Variants in ASPM observed in about 807,000 individuals in gnomAD.
ASPM encodes assembly factor for spindle microtubules, also known as abnormal spindle-like microcephaly-associated protein.
Under a neutral mutation model 366.4 loss-of-function variants are expected in ASPM, and 256 were observed. That is an observed-to-expected ratio of 0.70 (90% CI 0.63 to 0.77). ASPM has a LOEUF of 0.77. Ranked by LOEUF, ASPM falls within the 30% of genes least tolerant of loss-of-function variation. ASPM has a pLI of 0.00. For synonymous variants in ASPM, 1,414 were observed against 1,342.9 expected, an observed-to-expected ratio of 1.05 and a Z score of -1.16; for missense variants, 4,146 against 4,090.4, an observed-to-expected ratio of 1.01 and a Z score of -0.37.
In ASPM at chr1:197,124,338, C is replaced by T. The variant is rs1336814605; in HGVS notation, c.3169-7G>A. On this transcript the variant is annotated splice_polypyrimidine_tract_variant and splice_region_variant and intron_variant, in intron 12 of 27. Coordinates refer to ENST00000367409, the MANE Select transcript of ASPM (RefSeq NM_018136.5). ...AGTTAAGGGAAATATCCACCTAAAA[C>T]AAACACAAAAAAAGATAAATACCTT... 6.5e-7 allele frequency: 1 copy of T among 1,529,908 alleles called. No homozygotes were observed. Among genetic ancestry groups the T allele is most frequent in the Non-Finnish European group, 9.0e-7 (1 of 1,109,570 alleles). 94.8% of individuals were successfully genotyped at this position (1,529,908 alleles called of 1,614,324 possible).
At chr1:197,094,226 T>C (rs1019053004) in intron 19 of ASPM, 46 bp from the exon 20 acceptor site, 9 of 1,144,994 alleles carry the variant, frequency 7.9e-6, no homozygotes, top group Admixed American at 3.7e-5. Flanking sequence ...CTTTAACTTA[T>C]TCAATGAGTA....
Position 197,084,446 on chromosome 1 carries a change from A to G in ASPM, c.10332-20T>C. ...TTAAGTCTGTTAAAAAAAAAAAAAA[A>G]GTCTGGCATTAATAAAGTTCTTCTC... On this transcript the variant is annotated intron_variant, in intron 27 of 27. Transcript: ENST00000367409. 1 of 1,486,270 alleles carries G rather than the reference A, an allele frequency of 6.7e-7. No homozygotes were observed. The highest frequency in any genetic ancestry group is 9.3e-7 in the Non-Finnish European group (1 of 1,071,184). The allele number at this position is 1,486,270 out of a possible 1,614,324, so 92.1% of individuals were successfully genotyped here.
In ASPM at chr1:197,090,323, T is replaced by C. The variant is rs756409096; in HGVS notation, c.9702A>G (p.Leu3234=). 4 of 1,612,782 alleles carry C rather than the reference T, an allele frequency of 2.5e-6. No individual in the cohort carries two copies. The Admixed American group carries it at 5.0e-5, about 20-fold the overall frequency. ...TCTCCCTATTAACAACTTGAAGACT[T>C]AGTCGTATAGCTTTAATTTTTGTAC... ...NDCTKIKAIR[L]SLQVVNREIR... is the part of the protein sequence containing the mutation. The change falls in exon 24 of 28, where the codon CTA becomes CTG. Residue 3234 remains leucine (L), a synonymous_variant. Transcript: ENST00000367409.
rs199422135 is a variant in ASPM, at chr1:197,143,531, CAG to C, written c.719_720del (p.Ser240CysfsTer16). On this transcript the variant is annotated frameshift_variant, in exon 3 of 28. Coordinates refer to ENST00000367409, the MANE Select transcript of ASPM (RefSeq NM_018136.5). LOFTEE classifies it high-confidence loss of function. ...ECHGATCLPL[S>X]VRRSTTYSSL... Reference sequence around the variant, plus strand: ...GATGAGTAGGTAGTAGATCGACGTACAGAGAGTGGCAAGCAAGTTGCACCATG... The same window carrying C: ...GATGAGTAGGTAGTAGATCGACGTACAGAGTGGCAAGCAAGTTGCACCATG... 6 of 1,613,872 alleles carry C rather than the reference CAG, an allele frequency of 3.7e-6. No individual in the cohort carries two copies. The South Asian group carries it at 4.4e-5, about 12-fold the overall frequency.
Position 197,104,774 on chromosome 1 carries a change from T to C in ASPM, c.4477A>G (p.Ile1493Val). The C allele has an allele frequency of 6.3e-7, 1 of 1,597,184 alleles. No individual in the cohort carries two copies. The highest frequency in any genetic ancestry group is 1.1e-5 in the South Asian group (1 of 87,336). The part of the protein sequence containing the change: ...KYIYIRSCVV[I>V]IQKRFRCFQA... ...AAGCACCGAAATCTTTTCTGAATGATAACAACACAAGATCTAATATAAATA... is the reference window on the plus strand; with the variant it reads ...AAGCACCGAAATCTTTTCTGAATGACAACAACACAAGATCTAATATAAATA... Residue 1493 changes from isoleucine to valine, a missense_variant, in exon 18 of 28, where the codon ATC (isoleucine) becomes GTC (valine). By Grantham distance (29) the Ile-to-Val change is conservative. Around this residue, in one of 3 missense-constraint regions of ASPM, gnomAD observed 3,624 missense variants for 3,591.7 expected, o/e 1.01. Coordinates refer to ENST00000367409, the MANE Select transcript of ASPM (RefSeq NM_018136.5).
intron 13 of ASPM, among the ~76,000 whole-genome samples, chr1:197,123,457 A>G (rs1657981120): frequency 1.3e-5 from 2 of 152,200 alleles, no homozygotes; most frequent in African/African-American, 4.8e-5. Flanking sequence ...TATGGAATTA[A>G]TTAATACCGA....
intron 3 of ASPM, among the ~76,000 whole-genome samples, chr1:197,140,269 G>C (rs547589430): frequency 2.6e-5 from 4 of 152,302 alleles, no homozygotes; most frequent in South Asian, 4.1e-4. Context: ...GAATCTACTT[G>C]AGTTAACTTA....
In ASPM at chr1:197,121,914, C is replaced by T. The variant is rs777757385; in HGVS notation, c.3870+1G>A. 1 of 1,606,148 alleles carries T rather than the reference C, an allele frequency of 6.2e-7. No individual in the cohort carries two copies. The highest frequency in any genetic ancestry group is 1.7e-5 in the Admixed American group (1 of 59,932). On this transcript the variant is annotated splice_donor_variant, in intron 16 of 27. Transcript: ENST00000367409. LOFTEE classifies it high-confidence loss of function. ...ATAGTAGTTTCATATTCTAGGAGTA[C>T]CTGATGGCGTTTGAGATCTGTTTTT...
At chr1:197,141,659 A>G (rs965917902) in intron 3 of ASPM, among the ~76,000 whole-genome samples, 1 of 152,146 alleles carries the variant, frequency 6.6e-6, no homozygotes, top group Non-Finnish European at 1.5e-5. Context: ...ATTTACACAC[A>G]AACCCTCTGC....
At chr1:197,109,577 C>T (rs1657525119) in intron 17 of ASPM, among the ~76,000 whole-genome samples, 1 of 151,946 alleles carries the variant, frequency 6.6e-6, no homozygotes, top group South Asian at 2.1e-4. Flanking sequence ...AATCTTACCA[C>T]TCCTATTTAG....
rs747539000 is a variant in ASPM at position 197,122,315 on chromosome 1, G to A, written c.3599-14C>T. On this transcript the variant is annotated splice_polypyrimidine_tract_variant and intron_variant, in intron 14 of 27. Coordinates refer to ENST00000367409, the MANE Select transcript of ASPM (RefSeq NM_018136.5). The stretch of plus-strand genomic sequence containing the variant: ...CTGAAGTATTTTCTATTATGCAGGA[G>A]GAAAGGAGAAATTAGCCGTAGCTTC... The A allele has an allele frequency of 1.9e-6, 3 of 1,613,498 alleles. No individual in the cohort carries two copies. The African/African-American group carries it at 4.0e-5, about 22-fold the overall frequency.
chr1:197,139,305 C>T (rs1228217731), intron 4 of ASPM: 1 of 840,364 alleles, frequency 1.2e-6, no homozygotes, highest in African/African-American at 1.7e-5. Flanking sequence ...GGATAACAGC[C>T]CATGTTTTTG....
intron 18 of ASPM, among the ~76,000 whole-genome samples, chr1:197,099,229 T>A (rs1657079799): frequency 6.6e-6 from 1 of 151,426 alleles, no homozygotes; most frequent in African/African-American, 2.4e-5. Flanking sequence ...AGAGTAATTT[T>A]TTTTTTTTTT....
At chr1:197,085,546 A>G (rs1397903254) in intron 27 of ASPM, among the ~76,000 whole-genome samples, 1 of 152,224 alleles carries the variant, frequency 6.6e-6, no homozygotes, top group Non-Finnish European at 1.5e-5. Flanking sequence ...GTACGACCAT[A>G]CAATGGAATA....
chr1:197,128,420 C>T, intron 10 of ASPM, 70 bp downstream of exon 10: 1 of 1,434,570 alleles, frequency 7.0e-7, no homozygotes, highest in South Asian at 1.2e-5. Flanking sequence ...TGAATAATTA[C>T]AAAAAAAGTG....
At chr1:197,084,788 C>G (rs192901723) in intron 27 of ASPM, among the ~76,000 whole-genome samples, 1 of 152,200 alleles carries the variant, frequency 6.6e-6, no homozygotes, top group Non-Finnish European at 1.5e-5. Flanking sequence ...AAAAAGCCAA[C>G]AACCTAGTCC....
chr1:197,129,188 T>C lies in ASPM; in HGVS notation c.2759A>G (p.Lys920Arg), dbSNP rs372956877. 25 of 1,612,032 alleles carry C rather than the reference T, an allele frequency of 1.6e-5. No individual in the cohort carries two copies. The East Asian group carries it at 2.7e-4, about 17-fold the overall frequency. The change falls in exon 9 of 28, where the codon AAG (lysine) becomes AGG (arginine). Residue 920 changes from lysine (K) to arginine (R), a missense_variant and splice_region_variant. Around this residue, in one of 3 missense-constraint regions of ASPM, gnomAD observed 3,624 missense variants for 3,591.7 expected, o/e 1.01. Coordinates refer to ENST00000367409, the MANE Select transcript of ASPM (RefSeq NM_018136.5). ...TAAAGCATACAATGAAAAGCATACC[T>C]TGAATTCGGCATCTTTACAGAAGAG... is the stretch of plus-strand genomic sequence containing the variant. ...PCLFCKDAEF[K>R]ASKEILLAFS...
At chr1:197,144,223 C>T in intron 1 of ASPM, 123 bp from the exon 2 acceptor site, 1 of 656,568 alleles carries the variant, frequency 1.5e-6, no homozygotes. Context: ...ATATACTAAA[C>T]ATTTAATAAA....
Position 197,139,030 on chromosome 1 carries a change from A to G in ASPM, c.2026+737T>C, listed in dbSNP as rs959431102. The G allele has an allele frequency of 8.2e-6, 6 of 733,508 alleles. No homozygotes were observed. The Admixed American group carries it at 1.0e-4, about 13-fold the overall frequency. The allele number at this position is 733,508 out of a possible 1,614,324, so 45.4% of individuals were successfully genotyped here. ...GCACTCTTGTCTTTTGGCTTCAAAG[A>G]TTTCTTGAAAACTAACTGGCTGGTT... On this transcript the variant is annotated intron_variant, in intron 4 of 27. Transcript: ENST00000367409.
Sources: allele counts gnomAD v4.1 joint callset (sites outside exome capture counted in the v4.1 genomes callset), GRCh38; gene constraint gnomAD v4.1.1; regional missense constraint gnomAD v4.1.1; transcripts MANE v1.5; gene names NCBI Gene and HGNC (gene_info 2026-07-23, HGNC 2026-07-21).